Variants in PIK3C2A observed in about 807,000 individuals in gnomAD.
The protein encoded by PIK3C2A is phosphatidylinositol 4-phosphate 3-kinase C2 domain-containing subunit alpha.
Under a neutral mutation model 204.5 loss-of-function variants are expected in PIK3C2A, and 97 were observed. That is an observed-to-expected ratio of 0.47 (90% CI 0.40 to 0.56). The LOEUF (loss-of-function observed/expected upper bound fraction) is 0.56. PIK3C2A is among the 20% of genes least tolerant of loss of function. PIK3C2A has a pLI of 0.00. For missense variants in PIK3C2A, 1,735 were observed against 1,969.2 expected (o/e 0.88, Z 2.25); for synonymous variants, 653 against 664.4 (o/e 0.98, Z 0.26).
chr11:17,132,702 A>C (rs530632294), intron 11 of PIK3C2A, among the ~76,000 whole-genome samples: 1 of 152,342 alleles, frequency 6.6e-6, no homozygotes, highest in South Asian at 2.1e-4. Context: ...TAATGTATTT[A>C]TTCATTTCTA....
chr11:17,164,619 T>C (rs1044126409), intron 2 of PIK3C2A, among the ~76,000 whole-genome samples: 4 of 152,196 alleles, frequency 2.6e-5, no homozygotes, highest in Non-Finnish European at 5.9e-5. Context: ...GATCAAGTCA[T>C]ATTATTGCTT....
At chr11:17,196,597 T>C (rs968762535) in intron 1 of PIK3C2A, among the ~76,000 whole-genome samples, 2 of 151,614 alleles carry the variant, frequency 1.3e-5, no homozygotes, top group African/African-American at 4.9e-5. Context: ...TGAGACGGAG[T>C]CTTGCTCTGT....
chr11:17,107,482 T>C (rs1161617092), intron 22 of PIK3C2A, among the ~76,000 whole-genome samples: 4 of 152,088 alleles, frequency 2.6e-5, no homozygotes, highest in Non-Finnish European at 5.9e-5. Flanking sequence ...AGAAGGATGG[T>C]TGTGCATATT....
chr11:17,168,761 G>T lies in PIK3C2A; in HGVS notation c.981C>A (p.Ser327=), dbSNP rs1331812540. ...TTCTTGTAACAGTTGCCACAGAAAG[G>T]GATTTTCCATTCACCTTTCTTTCAA... ...CHLERKVNGK[S]LSVATVTRSQ... Residue 327 remains serine, a synonymous_variant, in exon 2 of 33, where the codon TCC becomes TCA. Transcript: ENST00000691414. 5 of 1,613,752 alleles carry T rather than the reference G, an allele frequency of 3.1e-6. No individual in the cohort carries two copies. The highest frequency in any genetic ancestry group is 4.2e-6 in the Non-Finnish European group (5 of 1,179,960).
At chr11:17,122,086 G>A in intron 15 of PIK3C2A, 102 bp downstream of exon 15, 1 of 645,160 alleles carries the variant, frequency 1.5e-6, no homozygotes. Flanking sequence ...CACCAAGAAA[G>A]CTGATAAATC....
intron 1 of PIK3C2A, among the ~76,000 whole-genome samples, chr11:17,195,518 A>C (rs1361116917): frequency 6.6e-6 from 1 of 151,054 alleles, no homozygotes; most frequent in East Asian, 2.0e-4. Flanking sequence ...TCAAGAGTTC[A>C]AAACCAGTCT....
chr11:17,199,141 C>G (rs1246566378), intron 1 of PIK3C2A, among the ~76,000 whole-genome samples: 1 of 148,220 alleles, frequency 6.7e-6, no homozygotes, highest in East Asian at 2.0e-4. Flanking sequence ...AAAAAGCCAA[C>G]TTATTATCAA....
At chr11:17,199,680 C>G (rs900726895) in intron 1 of PIK3C2A, among the ~76,000 whole-genome samples, 1 of 152,180 alleles carries the variant, frequency 6.6e-6, no homozygotes, top group Non-Finnish European at 1.5e-5. Context: ...CAGGGGCTCA[C>G]GCCTGTAATC....
At chr11:17,119,725 C>T in intron 16 of PIK3C2A, 61 bp downstream of exon 16, 1 of 1,000,382 alleles carries the variant, frequency 1.0e-6, no homozygotes, top group South Asian at 1.8e-5. Context: ...ATACTTCTGG[C>T]AACATACCTT....
rs142237126 is a variant in PIK3C2A, at chr11:17,145,921, C to T, written c.1582G>A (p.Val528Met). Reference sequence around the variant, plus strand: ...TGATACAGGTGTTTGTTTAAATCCACGGGTGTTTCATCATCTTCTGCCTAA... The same window carrying T: ...TGATACAGGTGTTTGTTTAAATCCATGGGTGTTTCATCATCTTCTGCCTAA... ...ARTAEDDETP[V>M]DLNKHLYQIE... The change falls in exon 7 of 33, where the codon GTG becomes ATG. Residue 528 changes from valine to methionine, a missense_variant. This residue lies in a region of PIK3C2A where 106 missense variants were observed against 108.2 expected (regional missense o/e 0.98). Transcript: ENST00000691414. The T allele has an allele frequency of 2.5e-5, 40 of 1,613,124 alleles. No individual in the cohort carries two copies. Among genetic ancestry groups the T allele is most frequent in the East Asian group, 1.6e-4 (7 of 44,806 alleles).
chr11:17,130,375 C>T (rs919033528), intron 12 of PIK3C2A, among the ~76,000 whole-genome samples: 26 of 152,122 alleles, frequency 1.7e-4, no homozygotes, highest in Admixed American at 1.1e-3. Context: ...TACTTGATTG[C>T]TTTCACAGAC....
intron 20 of PIK3C2A, 68 bp downstream of exon 20, chr11:17,114,293 C>T: frequency 1.2e-6 from 1 of 828,294 alleles, no homozygotes; most frequent in East Asian, 2.4e-5. Flanking sequence ...CTTAAGCATA[C>T]CTGCCCATTT....
rs193120093 is a variant in PIK3C2A at position 17,101,076 on chromosome 11, A to G, written c.4008+202T>C. On this transcript the variant is annotated intron_variant, in intron 25 of 32. Coordinates refer to ENST00000691414, the MANE Select transcript of PIK3C2A (RefSeq NM_002645.4). ...TCTACTGACTTATTTTTTGTATTTT[A>G]TACAAATGGAGTCAGACAGTAGGTA... is the stretch of plus-strand genomic sequence containing the variant. Among the ~76,000 whole-genome samples, 139 of 152,292 alleles carry G rather than the reference A, an allele frequency of 9.1e-4. 2 individuals are homozygous for G. The Middle Eastern group carries it at 0.01, about 11-fold the overall frequency.
At chr11:17,149,203 G>T (rs1333652113) in intron 4 of PIK3C2A, among the ~76,000 whole-genome samples, 1 of 151,878 alleles carries the variant, frequency 6.6e-6, no homozygotes. Flanking sequence ...ATCTAGAGAT[G>T]ATTTAAAATA....
chr11:17,091,693 T>C, intron 30 of PIK3C2A, 37 bp from the exon 31 acceptor site: 2 of 1,327,156 alleles, frequency 1.5e-6, no homozygotes, highest in South Asian at 1.2e-5. Context: ...ATTTACTGGT[T>C]GTAGTGGTTC....
chr11:17,092,277 C>T lies in PIK3C2A; in HGVS notation c.4452-1G>A. 1 of 1,408,900 alleles carries T rather than the reference C, an allele frequency of 7.1e-7. No homozygotes were observed. Among genetic ancestry groups the T allele is most frequent in the African/African-American group, 1.4e-5 (1 of 70,404 alleles). 87.3% of individuals were successfully genotyped at this position (1,408,900 alleles called of 1,614,324 possible). ...TCCTAGAACCATCCTATTAGGAAAG[C>T]TACAAAAGAAAAACAAAAACAAGTG... On this transcript the variant is annotated splice_acceptor_variant, in intron 28 of 32. Transcript: ENST00000691414. LOFTEE classifies it high-confidence loss of function.
intron 2 of PIK3C2A, among the ~76,000 whole-genome samples, chr11:17,162,465 C>G (rs934256101): frequency 6.6e-6 from 1 of 152,148 alleles, no homozygotes; most frequent in East Asian, 1.9e-4. Context: ...CTAAACCTGC[C>G]TCCTAACACA....
At chr11:17,114,819 T>C (rs1394870369) in intron 19 of PIK3C2A, among the ~76,000 whole-genome samples, 1 of 152,126 alleles carries the variant, frequency 6.6e-6, no homozygotes, top group African/African-American at 2.4e-5. Flanking sequence ...GGGAGAGAGG[T>C]GTACACAGGT....
At chr11:17,186,808 C>G (rs1189740731) in intron 1 of PIK3C2A, among the ~76,000 whole-genome samples, 1 of 152,172 alleles carries the variant, frequency 6.6e-6, no homozygotes, top group African/African-American at 2.4e-5. Flanking sequence ...GGCACGGTGG[C>G]TTGATGCCTA....
Sources: allele counts gnomAD v4.1 joint callset (sites outside exome capture counted in the v4.1 genomes callset), GRCh38; gene constraint gnomAD v4.1.1; regional missense constraint gnomAD v4.1.1; transcripts MANE v1.5; gene names NCBI Gene and HGNC (gene_info 2026-07-23, HGNC 2026-07-21).